The following SLC7A9 variants were observed in gnomAD, a reference collection of about 807,000 sequenced individuals.
SLC7A9 encodes solute carrier family 7 member 9, also known as B(0,+)-type amino acid transporter 1.
SLC7A9 carries 38 observed loss-of-function variants against 54.1 expected under a neutral mutation model. That is an observed-to-expected ratio of 0.70 (90% CI 0.54 to 0.92). The LOEUF is 0.92. SLC7A9 is among the 40% of genes least tolerant of loss of function. The probability of loss-of-function intolerance (pLI) is 0.00; values close to 1 mark genes in which losing one functional copy is unlikely to be tolerated. For missense variants in SLC7A9, 537 were observed against 636.1 expected (o/e 0.84, Z 1.68); for synonymous variants, 264 against 258.9 (o/e 1.02, Z -0.19).
In SLC7A9 at chr19:32,859,983, C is replaced by T. The variant is rs373295164; in HGVS notation, c.750-19G>A. The T allele has an allele frequency of 7.2e-5, 116 of 1,613,892 alleles. No individual in the cohort carries two copies. Among genetic ancestry groups the T allele is most frequent in the Non-Finnish European group, 9.0e-5 (106 of 1,179,966 alleles). ...CAGGTTTCTGGGAGGGGCAATGACA[C>T]GGAGACCCACGTTCAGACCACAGCC... On this transcript the variant is annotated intron_variant, in intron 7 of 12. Transcript: ENST00000023064.
chr19:32,846,191 AC>A (rs977364167), intron 9 of SLC7A9, among the ~76,000 whole-genome samples: 1 of 152,216 alleles, frequency 6.6e-6, no homozygotes, highest in African/African-American at 2.4e-5. Flanking sequence ...GGTGCAGCAC[AC>A]CGTGCATGAG....
chr19:32,844,093 G>A (rs1044034968), intron 9 of SLC7A9, 142 bp from the exon 10 acceptor site: 3 of 703,128 alleles, frequency 4.3e-6, no homozygotes, highest in African/African-American at 3.5e-5. Flanking sequence ...AGCTTCAGAT[G>A]GGGGTCTGTC....
chr19:32,859,399 T>C (rs115574622), intron 8 of SLC7A9, among the ~76,000 whole-genome samples: 1,533 of 152,048 alleles, frequency 0.01, 34 homozygotes, highest in African/African-American at 0.035. Flanking sequence ...TCAACACTTA[T>C]CCAAACTGCG....
At chr19:32,847,077 G>T (rs924659175) in intron 9 of SLC7A9, among the ~76,000 whole-genome samples, 4 of 152,202 alleles carry the variant, frequency 2.6e-5, no homozygotes, top group African/African-American at 9.7e-5. Flanking sequence ...AAACCACAAA[G>T]ATGGGGAAAA....
chr19:32,832,802 G>A, intron 12 of SLC7A9: 1 of 303,372 alleles, frequency 3.3e-6, no homozygotes, highest in Non-Finnish European at 6.4e-6. Flanking sequence ...CCAGCTACTT[G>A]GGAGGCCCAG....
At chr19:32,834,908 A>C (rs2145796785) in intron 11 of SLC7A9, among the ~76,000 whole-genome samples, 1 of 152,124 alleles carries the variant, frequency 6.6e-6, no homozygotes, top group East Asian at 2.0e-4. Flanking sequence ...CTCCTGCCTC[A>C]GCCTCCCAAG....
chr19:32,843,004 G>T (rs974271185), intron 10 of SLC7A9, among the ~76,000 whole-genome samples: 3 of 152,120 alleles, frequency 2.0e-5, no homozygotes, highest in African/African-American at 7.2e-5. Context: ...TATTTCCTGG[G>T]TGTGTTTTCC....
intron 9 of SLC7A9, among the ~76,000 whole-genome samples, chr19:32,856,199 T>G (rs991236069): frequency 1.6e-4 from 24 of 151,534 alleles, no homozygotes; most frequent in South Asian, 2.1e-4. Flanking sequence ...CTAGTGGTTT[T>G]TTTTTTTTTT....
At position 32,833,144 on chromosome 19, in the gene SLC7A9, C is replaced by G. The variant is rs1599648136; in HGVS notation, c.1399+5G>C. ...AGGCCAAGCGGCCCTTCTGTTGGTA[C>G]TTACTTGAGATTTTCTGAGCCCATC... On this transcript the variant is annotated splice_donor_5th_base_variant and intron_variant, in intron 12 of 12. Transcript: ENST00000023064. 1 of 1,613,658 alleles carries G rather than the reference C, an allele frequency of 6.2e-7. No homozygotes were observed. Among genetic ancestry groups the G allele is most frequent in the East Asian group, 2.2e-5 (1 of 44,870 alleles).
chr19:32,851,689 A>G (rs865911211), intron 9 of SLC7A9, among the ~76,000 whole-genome samples: 1 of 152,204 alleles, frequency 6.6e-6, no homozygotes, highest in East Asian at 1.9e-4. Flanking sequence ...CCAAAGGATT[A>G]TAAATCATGC....
At chr19:32,847,705 G>A (rs892185461) in intron 9 of SLC7A9, among the ~76,000 whole-genome samples, 5 of 152,078 alleles carry the variant, frequency 3.3e-5, no homozygotes, top group East Asian at 3.9e-4. Context: ...GATACTCCTC[G>A]AGAAGGGCAA....
chr19:32,843,405 C>T lies in SLC7A9; in HGVS notation c.1074+450G>A, dbSNP rs548120089. On this transcript the variant is annotated intron_variant, in intron 10 of 12. Transcript: ENST00000023064. Reference sequence around the variant, plus strand: ...CTGGGAGGCGGAGGATGCAGTGAGCCAAGATCATGGCACTGCACTCCATCC... The same window carrying T: ...CTGGGAGGCGGAGGATGCAGTGAGCTAAGATCATGGCACTGCACTCCATCC... Among the ~76,000 whole-genome samples the T allele has an allele frequency of 3.3e-5, 5 of 152,114 alleles. No homozygotes were observed. The South Asian group carries it at 1.0e-3, about 32-fold the overall frequency.
chr19:32,864,636 C>G lies in SLC7A9; in HGVS notation c.228G>C (p.Ala76=), dbSNP rs34310174. 1.3e-3 allele frequency: 2,121 copies of G among 1,613,586 alleles called. 24 individuals are homozygous for G. In the African/African-American group the frequency reaches 0.023, roughly 18 times the overall value. Residue 76 remains alanine (A), a synonymous_variant, in exon 3 of 13, where the codon GCG becomes GCC. Coordinates refer to ENST00000023064, the MANE Select transcript of SLC7A9 (RefSeq NM_014270.5). ...GCTCCCAAGTCTCTTTACCCAGCGT[C>G]GCGAGGACCCCGCAAGCCGCCCATA... The part of the protein sequence containing the change: ...LIIWAACGVL[A]TLGALCFAEL...
chr19:32,854,387 A>G (rs1968557957), intron 9 of SLC7A9, among the ~76,000 whole-genome samples: 1 of 152,168 alleles, frequency 6.6e-6, no homozygotes, highest in South Asian at 2.1e-4. Context: ...GTCCTGATCA[A>G]AATCCCAACA....
At chr19:32,855,563 G>A (rs554184979) in intron 9 of SLC7A9, among the ~76,000 whole-genome samples, 28 of 152,196 alleles carry the variant, frequency 1.8e-4, no homozygotes, top group African/African-American at 4.8e-4. Flanking sequence ...TTAGCCGGGC[G>A]TGATGGCAGG....
Position 32,830,521 on chromosome 19 carries a change from CTGAGTA to C in SLC7A9, c.*93_*98del. The C allele has an allele frequency of 1.1e-6, 1 of 904,764 alleles. No individual in the cohort carries two copies. The highest frequency in any genetic ancestry group is 1.9e-6 in the Non-Finnish European group (1 of 540,200). The allele number at this position is 904,764 out of a possible 1,614,324, so 56.0% of individuals were successfully genotyped here. A position where few individuals can be genotyped will look rare whatever the true frequency, so the allele number is the denominator to read the frequency against. On this transcript the variant is annotated 3_prime_UTR_variant, in exon 13 of 13. Transcript: ENST00000023064. ...CTAAAAATAACAATATTTTAAACATCTGAGTATATTTTATTCGTAAGAAAAAAAGGA... is the reference window on the plus strand; with the variant it reads ...CTAAAAATAACAATATTTTAAACATCTATTTTATTCGTAAGAAAAAAAGGA...
chr19:32,839,826 A>AT (rs987053699), intron 11 of SLC7A9, among the ~76,000 whole-genome samples: 1 of 152,102 alleles, frequency 6.6e-6, no homozygotes, highest in East Asian at 1.9e-4. Flanking sequence ...TGCCCAAAGC[A>AT]TTTTTTTAAA....
rs989921765 is a variant in SLC7A9, at chr19:32,860,599, C to T, written c.749+7G>A. The T allele has an allele frequency of 6.2e-7, 1 of 1,614,006 alleles. No homozygotes were observed. Among genetic ancestry groups the T allele is most frequent in the Non-Finnish European group, 8.5e-7 (1 of 1,180,020 alleles). ...GCTACTGTCCTCTGCACTGATTCAG[C>T]TGTTACCTGTAAGGGTTTCTAAGTT... is the stretch of plus-strand genomic sequence containing the variant. On this transcript the variant is annotated splice_region_variant and intron_variant, in intron 7 of 12. Coordinates refer to ENST00000023064, the MANE Select transcript of SLC7A9 (RefSeq NM_014270.5).
intron 8 of SLC7A9, among the ~76,000 whole-genome samples, chr19:32,859,035 T>C (rs1000355801): frequency 2.0e-5 from 3 of 151,906 alleles, no homozygotes; most frequent in Non-Finnish European, 4.4e-5. Context: ...GATCCACCCA[T>C]CTCGGCCTCC....
Sources: gnomAD v4.1 joint callset for allele counts (sites outside exome capture counted in the v4.1 genomes callset) on GRCh38, gnomAD v4.1.1 for gene constraint, MANE v1.5 for transcripts, NCBI Gene and HGNC (gene_info 2026-07-23, HGNC 2026-07-21) for gene names.